GPR75: variants seen among roughly 807,000 people sequenced by gnomAD.
GPR75 encodes G protein-coupled receptor 75.
A neutral mutation model predicts 26.0 loss-of-function variants in GPR75; 27 were observed. That is an observed-to-expected ratio of 1.04 (90% CI 0.77 to 1.43). GPR75 has a LOEUF of 1.43. Ranked by LOEUF, GPR75 falls within the 40% of genes most tolerant of loss-of-function variation. GPR75 has a pLI of 0.00. For synonymous variants in GPR75, 285 were observed against 256.3 expected (o/e 1.11, Z -1.07); for missense variants, 699 against 662.3 (o/e 1.06, Z -0.61).
In GPR75 at chr2:53,856,142, G is replaced by A. The variant is rs909382467; in HGVS notation, c.-109-1277C>T. ...CATTACGCCAGGTGCTAGGTGCTAC[G>A]ATGAGTAAGGCAGTCTCTACTTTAA... On this transcript the variant is annotated intron_variant, in intron 1 of 1. Transcript: ENST00000394705. 4.6e-5 allele frequency among the ~76,000 whole-genome samples: 7 copies of A among 152,240 alleles called. No individual in the cohort carries two copies. In the South Asian group the frequency reaches 1.2e-3, roughly 27 times the overall value.
rs1160568767 is a variant in GPR75, at chr2:53,853,207, T to C, written c.1550A>G (p.Tyr517Cys). ...GFANSYIAMH[Y>C]HTTNDLVQEY... ...CTGCACTAAGTCATTAGTGGTGTGA[T>C]AATGCATGGCAATATATGAATTGGC... The change falls in exon 2 of 2, where the codon TAT (tyrosine) becomes TGT (cysteine). Residue 517 changes from tyrosine to cysteine, a missense_variant. Transcript: ENST00000394705. The C allele has an allele frequency of 1.2e-6, 2 of 1,614,036 alleles. No homozygotes were observed. Among genetic ancestry groups the C allele is most frequent in the Non-Finnish European group, 8.5e-7 (1 of 1,179,888 alleles).
rs1050394297 is a variant in GPR75 at position 53,859,944 on chromosome 2, G to A, written c.-226C>T. 5 of 1,489,544 alleles carry A rather than the reference G, an allele frequency of 3.4e-6. No individual in the cohort carries two copies. The highest frequency in any genetic ancestry group is 5.6e-5 in the East Asian group (2 of 35,452). 92.3% of individuals were successfully genotyped at this position (1,489,544 alleles called of 1,614,324 possible). A position where few individuals can be genotyped will look rare whatever the true frequency, so the allele number is the denominator to read the frequency against. ...TCATCGCCATCGCCACCGCCTCCGC[G>A]CATCCCGGGAGCCGCGGCAAGACGC... On this transcript the variant is annotated 5_prime_UTR_variant, in exon 1 of 2. Transcript: ENST00000394705.
intron 1 of GPR75, among the ~76,000 whole-genome samples, chr2:53,859,618 T>C (rs1573164603): frequency 3.1e-4 from 1 of 3,230 alleles, no homozygotes. Flanking sequence ...GGGCGGTGGG[T>C]GGGTGGGTGG....
chr2:53,858,985 AAAG>A (rs542266908), intron 1 of GPR75, among the ~76,000 whole-genome samples: 2 of 151,716 alleles, frequency 1.3e-5, no homozygotes, highest in Non-Finnish European at 2.9e-5. Flanking sequence ...ACTAGCAAGC[AAAG>A]AATATGGATG....
intron 1 of GPR75, among the ~76,000 whole-genome samples, chr2:53,858,634 C>T (rs1219202664): frequency 6.6e-6 from 1 of 152,116 alleles, no homozygotes; most frequent in African/African-American, 2.4e-5. Context: ...AAAGTAAACT[C>T]AGGTCTTAGT....
At position 53,853,136 on chromosome 2, in the gene GPR75, A is replaced by C; in HGVS notation, c.1621T>G (p.Ter541GluextTer24). 2 of 1,610,028 alleles carry C rather than the reference A, an allele frequency of 1.2e-6. No homozygotes were observed. Among genetic ancestry groups the C allele is most frequent in the Non-Finnish European group, 1.7e-6 (2 of 1,176,724 alleles). Reference sequence around the variant, plus strand: ...AAGATCCTATAGCCTCCATGACTTTAAACGGAGGGGACTGGAATCTGCTTG... The same window carrying C: ...AAGATCCTATAGCCTCCATGACTTTCAACGGAGGGGACTGGAATCTGCTTG... ...SAKQIPVPSV[*>E] is the part of the protein sequence containing the mutation. Residue 541 changes from the stop codon to glutamate (E), a stop_lost, in exon 2 of 2, where the codon TAA becomes GAA. Coordinates refer to ENST00000394705, the MANE Select transcript of GPR75 (RefSeq NM_006794.4).
In GPR75 at chr2:53,853,560, G is replaced by A; in HGVS notation, c.1197C>T (p.Phe399=). The change falls in exon 2 of 2, where the codon TTC becomes TTT. Residue 399 remains phenylalanine (F), a synonymous_variant. Transcript: ENST00000394705. ...WCLQYIGLGF[F]CCKQKTRLRA... ...GAAGTCGAGTCTTTTGTTTGCAGCA[G>A]AAAAAACCCAGGCCTATGTATTGGA... 1 of 1,614,120 alleles carries A rather than the reference G, an allele frequency of 6.2e-7. No individual in the cohort carries two copies. The highest frequency in any genetic ancestry group is 1.3e-5 in the African/African-American group (1 of 75,002).
rs1166890750 is a variant in GPR75 at position 53,854,280 on chromosome 2, G to A, written c.477C>T (p.Pro159=). The stretch of plus-strand genomic sequence containing the variant: ...GAAGCAGGGTGAGGAGTACGGTGCA[G>A]GGAAAGGAGGCCGTGCGATTAGGCT... ...GKQPNRTASF[P]CTVLLTLLLW... is the part of the protein sequence containing the mutation. Residue 159 remains proline (P), a synonymous_variant, in exon 2 of 2, where the codon CCC becomes CCT. Coordinates refer to ENST00000394705, the MANE Select transcript of GPR75 (RefSeq NM_006794.4). 1.9e-6 allele frequency: 3 copies of A among 1,614,116 alleles called. No homozygotes were observed. The highest frequency in any genetic ancestry group is 2.5e-6 in the Non-Finnish European group (3 of 1,180,018).
At chr2:53,857,088 C>T (rs1182286579) in intron 1 of GPR75, among the ~76,000 whole-genome samples, 2 of 149,748 alleles carry the variant, frequency 1.3e-5, no homozygotes, top group Non-Finnish European at 3.0e-5. Flanking sequence ...CTCAGCCTCC[C>T]GAGTAGCTGG....
At chr2:53,855,109 C>T (rs1678193486) in intron 1 of GPR75, among the ~76,000 whole-genome samples, 2 of 151,978 alleles carry the variant, frequency 1.3e-5, no homozygotes, top group African/African-American at 4.8e-5. Flanking sequence ...GCATGCACCA[C>T]CAAACCCAGC....
intron 1 of GPR75, among the ~76,000 whole-genome samples, chr2:53,856,307 G>A (rs1678224316): frequency 6.6e-6 from 1 of 152,156 alleles, no homozygotes; most frequent in African/African-American, 2.4e-5. Context: ...CCCAACAGAT[G>A]CTTCTGGTGG....
chr2:53,854,884 A>C lies in GPR75; in HGVS notation c.-109-19T>G, dbSNP rs1678187875. ...GATAAGCCTACACACAAAAATGCAC[A>C]CCCAGAAACAGAAAGGGATTAATGT... On this transcript the variant is annotated intron_variant, in intron 1 of 1. Coordinates refer to ENST00000394705, the MANE Select transcript of GPR75 (RefSeq NM_006794.4). The C allele has an allele frequency of 1.5e-6, 1 of 673,442 alleles. No homozygotes were observed. The highest frequency in any genetic ancestry group is 1.8e-5 in the African/African-American group (1 of 55,990). The allele number at this position is 673,442 out of a possible 1,614,324, so 41.7% of individuals were successfully genotyped here. A position where few individuals can be genotyped will look rare whatever the true frequency, so the allele number is the denominator to read the frequency against.
In GPR75 at chr2:53,854,461, G is replaced by C; in HGVS notation, c.296C>G (p.Pro99Arg). The C allele has an allele frequency of 6.2e-7, 1 of 1,614,126 alleles. No homozygotes were observed. Among genetic ancestry groups the C allele is most frequent in the Non-Finnish European group, 8.5e-7 (1 of 1,179,992 alleles). Reference protein sequence around the residue: ...CDLFICGVTAPMFTFVLFFSS... With the variant: ...CDLFICGVTARMFTFVLFFSS... The stretch of plus-strand genomic sequence containing the variant: ...GAAGAATAACACAAAGGTGAACATG[G>C]GGGCTGTCACTCCACAAATGAAGAG... The change falls in exon 2 of 2, where the codon CCC (proline) becomes CGC (arginine). Residue 99 changes from proline (P) to arginine (R), a missense_variant. Pro to Arg is a moderately radical substitution (Grantham distance 103). Coordinates refer to ENST00000394705, the MANE Select transcript of GPR75 (RefSeq NM_006794.4).
chr2:53,857,370 G>A (rs1047373223), intron 1 of GPR75, among the ~76,000 whole-genome samples: 1 of 152,162 alleles, frequency 6.6e-6, no homozygotes, highest in Non-Finnish European at 1.5e-5. Context: ...GAGGCAGGAA[G>A]AGCAGGGAGG....
At position 53,853,942 on chromosome 2, in the gene GPR75, T is replaced by C; in HGVS notation, c.815A>G (p.Tyr272Cys). The C allele has an allele frequency of 3.1e-6, 5 of 1,614,096 alleles. No individual in the cohort carries two copies. The highest frequency in any genetic ancestry group is 1.3e-5 in the African/African-American group (1 of 75,010). The change falls in exon 2 of 2, where the codon TAT becomes TGT. Residue 272 changes from tyrosine to cysteine, a missense_variant. Tyr to Cys is a radical substitution (Grantham distance 194). Coordinates refer to ENST00000394705, the MANE Select transcript of GPR75 (RefSeq NM_006794.4). ...DPIQCAMPAL[Y>C]RNQNYNKLQH... Reference sequence around the variant, plus strand: ...CAGTTTGTTGTAATTCTGGTTCCTATACAGAGCCGGCATGGCACACTGGAT... The same window carrying C: ...CAGTTTGTTGTAATTCTGGTTCCTACACAGAGCCGGCATGGCACACTGGAT...
intron 1 of GPR75, among the ~76,000 whole-genome samples, chr2:53,856,991 C>T (rs1203886663): frequency 1.8e-5 from 2 of 109,686 alleles, no homozygotes; most frequent in African/African-American, 7.0e-5. Context: ...GAGTCTCGCT[C>T]TGTCGCCCAG....
At chr2:53,859,724 G>T (rs1269705601) in intron 1 of GPR75, 104 bp downstream of exon 1, 5 of 805,162 alleles carry the variant, frequency 6.2e-6, no homozygotes, top group Non-Finnish European at 9.3e-6. Flanking sequence ...ACGCGGAGCC[G>T]GGCCTGGCCC....
At chr2:53,858,698 C>A in intron 1 of GPR75, among the ~76,000 whole-genome samples, 1 of 152,122 alleles carries the variant, frequency 6.6e-6, no homozygotes, top group African/African-American at 2.4e-5. Context: ...TTTGGAATGA[C>A]ATGATGACGG....
In GPR75 at chr2:53,853,549, T is replaced by C; in HGVS notation, c.1208A>G (p.Gln403Arg). 7 of 1,614,226 alleles carry C rather than the reference T, an allele frequency of 4.3e-6. No individual in the cohort carries two copies. In the South Asian group the frequency reaches 7.7e-5, roughly 18 times the overall value. The stretch of plus-strand genomic sequence containing the variant: ...TCCCATGGCTCGAAGTCGAGTCTTT[T>C]GTTTGCAGCAGAAAAAACCCAGGCC... ...YIGLGFFCCK[Q>R]KTRLRAMGKG... Residue 403 changes from glutamine to arginine, a missense_variant, in exon 2 of 2, where the codon CAA becomes CGA. Gln to Arg is a conservative substitution (Grantham distance 43). Coordinates refer to ENST00000394705, the MANE Select transcript of GPR75 (RefSeq NM_006794.4).
Sources: gnomAD v4.1 joint callset for allele counts (sites outside exome capture counted in the v4.1 genomes callset) on GRCh38, gnomAD v4.1.1 for gene constraint, MANE v1.5 for transcripts, NCBI Gene and HGNC (gene_info 2026-07-23, HGNC 2026-07-21) for gene names.